NEK1: variants seen among roughly 807,000 people sequenced by gnomAD.
NEK1 encodes the protein NIMA related kinase 1, also known as serine/threonine-protein kinase Nek1.
NEK1 carries 137 observed loss-of-function variants against 182.1 expected under a neutral mutation model. That is an observed-to-expected ratio of 0.75 (90% CI 0.65 to 0.87). The LOEUF (loss-of-function observed/expected upper bound fraction) is 0.87. NEK1 is among the 40% of genes least tolerant of loss of function. The probability of loss-of-function intolerance (pLI) is 0.00; values close to 1 mark genes in which losing one functional copy is unlikely to be tolerated. For missense variants in NEK1, 1,391 were observed against 1,494.4 expected (o/e 0.93, Z 1.14); for synonymous variants, 513 against 492.2 (o/e 1.04, Z -0.56).
intron 27 of NEK1, among the ~76,000 whole-genome samples, chr4:169,461,459 C>T (rs1052594854): frequency 2.0e-5 from 3 of 152,052 alleles, no homozygotes; most frequent in Admixed American, 2.0e-4. Flanking sequence ...CTCTCCCTTA[C>T]CCAAAAGGGC....
chr4:169,438,701 A>C (rs2149427436), intron 27 of NEK1, among the ~76,000 whole-genome samples: 1 of 152,322 alleles, frequency 6.6e-6, no homozygotes, highest in Admixed American at 6.5e-5. Context: ...TAATGCAGTT[A>C]TTTACCACCT....
intron 18 of NEK1, among the ~76,000 whole-genome samples, chr4:169,538,682 A>C (rs17054997): frequency 0.041 from 6,257 of 152,168 alleles, 171 homozygotes; most frequent in African/African-American, 0.063. Flanking sequence ...AATTGTAGTT[A>C]ATTTTGGAGG....
chr4:169,488,090 T>G (rs980489508), intron 23 of NEK1, among the ~76,000 whole-genome samples: 7 of 152,170 alleles, frequency 4.6e-5, no homozygotes, highest in Admixed American at 1.3e-4. Flanking sequence ...GTCAGATGGA[T>G]AGATTGCAAA....
At chr4:169,602,129 A>T in intron 3 of NEK1, 25 bp from the exon 4 acceptor site, 3 of 1,513,462 alleles carry the variant, frequency 2.0e-6, no homozygotes, top group Non-Finnish European at 2.8e-6. Flanking sequence ...AAAAGAAAAT[A>T]GTAAATGAAA....
At chr4:169,544,943 A>T (rs1231021670) in intron 18 of NEK1, among the ~76,000 whole-genome samples, 1 of 149,608 alleles carries the variant, frequency 6.7e-6, no homozygotes, top group African/African-American at 2.5e-5. Context: ...TCCTGGATTC[A>T]TTGATTTTTT....
intron 4 of NEK1, among the ~76,000 whole-genome samples, chr4:169,600,749 G>T (rs905018900): frequency 1.2e-4 from 18 of 152,086 alleles, no homozygotes; most frequent in African/African-American, 4.3e-4. Context: ...ATGTTATAAT[G>T]TATGTAGCAT....
chr4:169,479,498 G>C lies in NEK1; in HGVS notation c.2044C>G (p.Pro682Ala), dbSNP rs1217617229. Residue 682 changes from proline (P) to alanine (A), a missense_variant, in exon 24 of 36, where the codon CCA becomes GCA. Coordinates refer to ENST00000507142, the MANE Select transcript of NEK1 (RefSeq NM_001199397.3). The stretch of plus-strand genomic sequence containing the variant: ...CCTGTTTCATGCTGTCCCAAAGGTG[G>C]AGAAACATCAGAACTCTTAACTCCT... Reference protein sequence around the residue: ...AKGVKSSDVSPPLGQHETGGS... With the variant: ...AKGVKSSDVSAPLGQHETGGS... 1.2e-6 allele frequency: 2 copies of C among 1,610,666 alleles called. No individual in the cohort carries two copies. Among genetic ancestry groups the C allele is most frequent in the Non-Finnish European group, 1.7e-6 (2 of 1,178,694 alleles).
chr4:169,523,704 T>C (rs1015019818), intron 19 of NEK1, among the ~76,000 whole-genome samples: 4 of 152,236 alleles, frequency 2.6e-5, no homozygotes, highest in African/African-American at 9.6e-5. Context: ...TGCATATAAA[T>C]TGCTTAACAC....
chr4:169,427,869 G>T (rs1009435259), intron 29 of NEK1, among the ~76,000 whole-genome samples: 12 of 152,092 alleles, frequency 7.9e-5, no homozygotes, highest in Middle Eastern at 3.4e-3. Context: ...GCCCAGTCTG[G>T]AGTGCAGTGG....
intron 31 of NEK1, among the ~76,000 whole-genome samples, chr4:169,420,321 CTTTT>C (rs2111278921): frequency 6.6e-6 from 1 of 152,278 alleles, no homozygotes; most frequent in South Asian, 2.1e-4. Flanking sequence ...AGTTCACTTT[CTTTT>C]AATACGTAGA....
intron 23 of NEK1, among the ~76,000 whole-genome samples, chr4:169,490,476 C>G (rs1298911701): frequency 6.6e-6 from 1 of 151,784 alleles, no homozygotes; most frequent in African/African-American, 2.4e-5. Context: ...AGATAATGAC[C>G]CCAAAGAAAT....
intron 19 of NEK1, among the ~76,000 whole-genome samples, chr4:169,536,035 C>A (rs1419181466): frequency 6.6e-6 from 1 of 151,858 alleles, no homozygotes; most frequent in Non-Finnish European, 1.5e-5. Context: ...TGGCTCATGT[C>A]TGTAATCACA....
rs1730340532 is a variant in NEK1 at position 169,394,243 on chromosome 4, A to G, written c.*267T>C. The stretch of plus-strand genomic sequence containing the variant: ...AACCATTAAGTCAGGTTCTGGGTCA[A>G]TGTTTCCTATGCTTTGGTTGGATGA... On this transcript the variant is annotated 3_prime_UTR_variant, in exon 36 of 36. Coordinates refer to ENST00000507142, the MANE Select transcript of NEK1 (RefSeq NM_001199397.3). 1 of 308,638 alleles carries G rather than the reference A, an allele frequency of 3.2e-6. No homozygotes were observed. The highest frequency in any genetic ancestry group is 5.9e-6 in the Non-Finnish European group (1 of 169,042). 19.1% of individuals were successfully genotyped at this position (308,638 alleles called of 1,614,324 possible).
At chr4:169,461,886 G>A (rs1744032330) in intron 27 of NEK1, among the ~76,000 whole-genome samples, 1 of 151,914 alleles carries the variant, frequency 6.6e-6, no homozygotes, top group Non-Finnish European at 1.5e-5. Flanking sequence ...ATATAATAGT[G>A]AACACAACTA....
At chr4:169,572,890 G>A (rs929327120) in intron 12 of NEK1, among the ~76,000 whole-genome samples, 3 of 152,204 alleles carry the variant, frequency 2.0e-5, no homozygotes, top group Admixed American at 2.0e-4. Flanking sequence ...AGCCATGAGT[G>A]AAGTGGGTTC....
At chr4:169,531,961 A>G (rs1392611812) in intron 19 of NEK1, among the ~76,000 whole-genome samples, 1 of 152,230 alleles carries the variant, frequency 6.6e-6, no homozygotes, top group Non-Finnish European at 1.5e-5. Flanking sequence ...AATAAAAAAC[A>G]ACTAACTAGT....
chr4:169,437,960 A>C, intron 28 of NEK1, 123 bp downstream of exon 28: 1 of 737,766 alleles, frequency 1.4e-6, no homozygotes, highest in Non-Finnish European at 2.0e-6. Flanking sequence ...ATATAAAAAT[A>C]CTGAACCTAA....
intron 9 of NEK1, 113 bp from the exon 10 acceptor site, chr4:169,585,662 C>T: frequency 1.6e-6 from 1 of 607,810 alleles, no homozygotes; most frequent in Non-Finnish European, 2.7e-6. Context: ...ACACAATCCT[C>T]TTCCAAATAA....
At chr4:169,581,944 A>G (rs1001487804) in intron 10 of NEK1, among the ~76,000 whole-genome samples, 1 of 152,174 alleles carries the variant, frequency 6.6e-6, no homozygotes, top group South Asian at 2.1e-4. Context: ...CCCATTTAAT[A>G]TTAGTATAAA....
Sources: allele counts gnomAD v4.1 joint callset (sites outside exome capture counted in the v4.1 genomes callset), GRCh38; gene constraint gnomAD v4.1.1; transcripts MANE v1.5; gene names NCBI Gene and HGNC (gene_info 2026-07-23, HGNC 2026-07-21).